DOK7: variants seen among roughly 807,000 people sequenced by gnomAD.
The protein encoded by DOK7 is docking protein 7, also known as protein Dok-7.
DOK7 carries 32 observed loss-of-function variants against 30.7 expected under a neutral mutation model. The ratio of observed to expected loss-of-function variants is 1.04; its 90% CI spans 0.79 to 1.40. The LOEUF (loss-of-function observed/expected upper bound fraction) is 1.40, where lower values mean the gene tolerates loss of function less well. Among genes scored for constraint, DOK7 ranks in the 40% most tolerant of loss-of-function variants. DOK7 has a pLI of 0.00. For synonymous variants in DOK7, 447 were observed against 324.1 expected (o/e 1.38, Z -4.07); for missense variants, 1,007 against 699.2 (o/e 1.44, Z -4.97).
At chr4:3,490,509 ATTCTTTCC>A (rs1728257065) in intron 6 of DOK7, among the ~76,000 whole-genome samples, 2 of 70,934 alleles carry the variant, frequency 2.8e-5, no homozygotes, top group South Asian at 4.9e-4. Context: ...CCCCCTGCTC[ATTCTTTCC>A]TTCACCCCCC....
In DOK7 at chr4:3,473,410, C is replaced by G; in HGVS notation, c.105C>G (p.Cys35Trp). ...TGACGGCCACGCTCCTTGCAGACTGCCTGCTGATGCTGGTCTACAAGGACA... is the reference window on the plus strand; with the variant it reads ...TGACGGCCACGCTCCTTGCAGACTGGCTGCTGATGCTGGTCTACAAGGACA... Reference protein sequence around the residue: ...VLRKPSPVADCLLMLVYKDKS... With the variant: ...VLRKPSPVADWLLMLVYKDKS... Residue 35 changes from cysteine (C) to tryptophan (W), a missense_variant, in exon 3 of 7, where the codon TGC (cysteine) becomes TGG (tryptophan). Cys to Trp is a radical substitution (Grantham distance 215, BLOSUM62 -2). Coordinates refer to ENST00000340083, the MANE Select transcript of DOK7 (RefSeq NM_173660.5). 1.9e-6 allele frequency: 3 copies of G among 1,610,770 alleles called. No homozygotes were observed. Among genetic ancestry groups the G allele is most frequent in the Non-Finnish European group, 2.5e-6 (3 of 1,179,748 alleles).
chr4:3,495,795 C>CG (rs1728875939), downstream of DOK7, among the ~76,000 whole-genome samples: 2 of 152,270 alleles, frequency 1.3e-5, 1 homozygote, highest in Admixed American at 1.3e-4. Context: ...CGCCTGCCCC[C>CG]ACCGGGAGCA....
downstream of DOK7, chr4:3,496,777 G>A (rs534359063): frequency 1.9e-5 from 29 of 1,534,630 alleles, no homozygotes; most frequent in African/African-American, 1.5e-4. Context: ...CAGGATGAGG[G>A]GAAGACTGAA....
chr4:3,492,240 C>T (rs964264017), intron 6 of DOK7, among the ~76,000 whole-genome samples: 7 of 151,896 alleles, frequency 4.6e-5, no homozygotes, highest in Admixed American at 2.0e-4. Context: ...GAGGCAAGGA[C>T]GCCAGCATGG....
At chr4:3,482,125 G>T (rs1727475931) in intron 4 of DOK7, among the ~76,000 whole-genome samples, 1 of 152,172 alleles carries the variant, frequency 6.6e-6, no homozygotes, top group Non-Finnish European at 1.5e-5. Flanking sequence ...ACCCGTTTGT[G>T]CTCAAAGATG....
intron 6 of DOK7, among the ~76,000 whole-genome samples, chr4:3,491,174 T>C (rs1455488113): frequency 5.2e-5 from 3 of 58,138 alleles, no homozygotes; most frequent in African/African-American, 1.9e-4. Context: ...CTCCTGCTCA[T>C]TCATTCCTTC....
chr4:3,472,142 C>T (rs765322365), intron 2 of DOK7, among the ~76,000 whole-genome samples: 3 of 152,230 alleles, frequency 2.0e-5, no homozygotes, highest in Non-Finnish European at 4.4e-5. Context: ...GACCCCCTGG[C>T]TCTGCGGGCT....
At chr4:3,471,128 T>C (rs993844909) in intron 2 of DOK7, among the ~76,000 whole-genome samples, 1 of 152,230 alleles carries the variant, frequency 6.6e-6, no homozygotes, top group Non-Finnish European at 1.5e-5. Flanking sequence ...CCTCTGTGCA[T>C]GGGCAGCCAG....
At chr4:3,500,089 A>G (rs1729117260) in intron 6 of DOK7, among the ~76,000 whole-genome samples, 1 of 151,938 alleles carries the variant, frequency 6.6e-6, no homozygotes, top group South Asian at 2.1e-4. Context: ...GCGCTGGGCC[A>G]AAGATGGACG....
chr4:3,469,648 C>T (rs1235375912), intron 2 of DOK7, among the ~76,000 whole-genome samples: 2 of 152,338 alleles, frequency 1.3e-5, no homozygotes, highest in South Asian at 2.1e-4. Context: ...ACCCGGCACA[C>T]GTGCTGTGTC....
At chr4:3,500,283 G>A (rs1329930659) in exon 7 of DOK7, 7 of 1,535,856 alleles carry the variant, frequency 4.6e-6, no homozygotes, top group Non-Finnish European at 6.1e-6. Flanking sequence ...GGACAGCCCA[G>A]GACCAGAGAG....
downstream of DOK7, among the ~76,000 whole-genome samples, chr4:3,495,043 G>C (rs931322576): frequency 6.6e-6 from 1 of 152,194 alleles, no homozygotes; most frequent in Non-Finnish European, 1.5e-5. Flanking sequence ...AGCAAGCGTG[G>C]GCTTTGGGGA....
intron 2 of DOK7, among the ~76,000 whole-genome samples, chr4:3,466,694 G>C (rs1175000070): frequency 1.3e-5 from 2 of 152,330 alleles, no homozygotes; most frequent in Non-Finnish European, 1.5e-5. Context: ...TGGGAGCAGT[G>C]ACCTGGGACG....
At chr4:3,496,792 G>A (rs1439273542), downstream of DOK7, 2 of 1,535,944 alleles carry the variant, frequency 1.3e-6, no homozygotes, top group Non-Finnish European at 8.7e-7. Flanking sequence ...ACTGAAGGAT[G>A]CACTGACCCA....
rs1177237498 is a variant in DOK7, at chr4:3,487,667, T to G, written c.652+2009T>G. ...CTGCACCCCATTTTGCAGACGAGGG[T>G]GAGAGGCTCAGGGGGCGTGTGGTGG... On this transcript the variant is annotated intron_variant, in intron 5 of 6. Transcript: ENST00000340083. Among the ~76,000 whole-genome samples the G allele has an allele frequency of 2.0e-5, 3 of 152,106 alleles. No homozygotes were observed. In the South Asian group the frequency reaches 6.2e-4, roughly 32 times the overall value.
At chr4:3,471,982 G>T (rs1043646648) in intron 2 of DOK7, among the ~76,000 whole-genome samples, 1 of 152,146 alleles carries the variant, frequency 6.6e-6, no homozygotes, top group Non-Finnish European at 1.5e-5. Context: ...GCGCCCAAGG[G>T]TCTACACAGG....
chr4:3,484,662 G>A (rs1727647923), intron 4 of DOK7: 1 of 985,548 alleles, frequency 1.0e-6, no homozygotes, highest in Non-Finnish European at 1.2e-6. Context: ...ACGCTGGGCT[G>A]GTCCCTGGGG....
chr4:3,496,389 G>A (rs1433335474), downstream of DOK7, among the ~76,000 whole-genome samples: 1 of 152,272 alleles, frequency 6.6e-6, no homozygotes, highest in African/African-American at 2.4e-5. Flanking sequence ...TCAAGGACGG[G>A]AAAGGAAATC....
At chr4:3,473,368 G>A (rs544589677) in intron 2 of DOK7, 38 bp from the exon 3 acceptor site, 2 of 1,602,340 alleles carry the variant, frequency 1.2e-6, no homozygotes, top group Non-Finnish European at 1.7e-6. Flanking sequence ...CGGGCAGGCG[G>A]TGTTGGCTGG....
Sources: allele counts gnomAD v4.1 joint callset (sites outside exome capture counted in the v4.1 genomes callset), GRCh38; gene constraint gnomAD v4.1.1; transcripts MANE v1.5; gene names NCBI Gene and HGNC (gene_info 2026-07-23, HGNC 2026-07-21).